Variants in NEGR1 observed in about 807,000 individuals in gnomAD.
NEGR1 encodes IgLON family member 4.
NEGR1 carries 10 observed loss-of-function variants against 40.9 expected under a neutral mutation model. That is an observed-to-expected ratio of 0.24 (90% CI 0.15 to 0.42). NEGR1 has a LOEUF of 0.42. NEGR1 is among the 10% of genes least tolerant of loss of function. The pLI is 1.00. For missense variants in NEGR1, 352 were observed against 438.9 expected (o/e 0.80, Z 1.77); for synonymous variants, 185 against 166.8 (o/e 1.11, Z -0.84).
chr1:71,805,083 G>A (rs1187484745), intron 2 of NEGR1, among the ~76,000 whole-genome samples: 6 of 152,072 alleles, frequency 3.9e-5, no homozygotes, highest in East Asian at 3.9e-4. Flanking sequence ...CTCCCTTAGC[G>A]CTCCCAGGCT....
chr1:71,919,027 C>T (rs553009828), intron 2 of NEGR1, among the ~76,000 whole-genome samples: 1 of 152,142 alleles, frequency 6.6e-6, no homozygotes, highest in African/African-American at 2.4e-5. Context: ...TAAATAGATG[C>T]ATTATTATTT....
Position 71,685,962 on chromosome 1 carries a change from GC to G in NEGR1, c.667+12045del, listed in dbSNP as rs754595586. 3.7e-3 allele frequency among the ~76,000 whole-genome samples: 19 copies of G among 5,108 alleles called. No individual in the cohort carries two copies. In the East Asian group the frequency reaches 0.4, roughly 108 times the overall value. The allele number at this position is 5,108 out of a possible 152,430, so 3.4% of individuals were successfully genotyped here. On this transcript the variant is annotated intron_variant, in intron 4 of 6. Transcript: ENST00000357731. ...GAAAAGTTTATGTCAGAGGTTAATG[GC>G]CAGATGCTATTTTAAATCCAGTTGT...
chr1:72,268,143 T>C (rs1655714766), intron 1 of NEGR1, among the ~76,000 whole-genome samples: 1 of 151,238 alleles, frequency 6.6e-6, no homozygotes, highest in African/African-American at 2.4e-5. Flanking sequence ...CCAAATACAA[T>C]ATAACATGTA....
chr1:71,576,565 G>A (rs1007783773), intron 6 of NEGR1, among the ~76,000 whole-genome samples: 1 of 152,082 alleles, frequency 6.6e-6, no homozygotes, highest in African/African-American at 2.4e-5. Flanking sequence ...CTAGATATTT[G>A]CATCACAAAG....
At position 72,086,043 on chromosome 1, in the gene NEGR1, GA is replaced by G. The variant is rs1444148159; in HGVS notation, c.177-150733del. Among the ~76,000 whole-genome samples the G allele has an allele frequency of 2.0e-5, 3 of 150,452 alleles. No individual in the cohort carries two copies. In the East Asian group the frequency reaches 5.9e-4, roughly 29 times the overall value. ...ATCAAGAGCCTACACCTGCAACACTGAAAGCTTACTAGAGCAAAATGTCCTC... is the reference window on the plus strand; with the variant it reads ...ATCAAGAGCCTACACCTGCAACACTGAAGCTTACTAGAGCAAAATGTCCTC... On this transcript the variant is annotated intron_variant, in intron 1 of 6. Transcript: ENST00000357731.
intron 1 of NEGR1, among the ~76,000 whole-genome samples, chr1:72,014,107 C>CT (rs1302867152): frequency 6.7e-6 from 1 of 149,968 alleles, no homozygotes; most frequent in Non-Finnish European, 1.5e-5. Context: ...AGCTGTTCAA[C>CT]TTTTTTTGTA....
intron 1 of NEGR1, among the ~76,000 whole-genome samples, chr1:72,202,860 C>G (rs1052934475): frequency 2.6e-5 from 4 of 151,938 alleles, no homozygotes; most frequent in Admixed American, 2.6e-4. Context: ...GAATTATGCT[C>G]AATCAACTCT....
intron 2 of NEGR1, among the ~76,000 whole-genome samples, chr1:71,899,812 G>C (rs1661096850): frequency 6.6e-6 from 1 of 152,004 alleles, no homozygotes; most frequent in African/African-American, 2.4e-5. Context: ...GTCTCATCCA[G>C]ATCTCATCAA....
intron 4 of NEGR1, 113 bp from the exon 5 acceptor site, chr1:71,611,259 G>C: frequency 2.2e-6 from 2 of 908,958 alleles, no homozygotes; most frequent in East Asian, 2.6e-5. Flanking sequence ...TCTTATGCCT[G>C]ATAGACCAAC....
intron 2 of NEGR1, among the ~76,000 whole-genome samples, chr1:71,822,060 A>G (rs979869760): frequency 6.6e-6 from 1 of 151,948 alleles, no homozygotes; most frequent in African/African-American, 2.4e-5. Flanking sequence ...AATGGACAGC[A>G]GCTACACTAT....
intron 1 of NEGR1, among the ~76,000 whole-genome samples, chr1:71,979,754 T>G (rs1646338408): frequency 6.6e-6 from 1 of 152,124 alleles, no homozygotes; most frequent in African/African-American, 2.4e-5. Context: ...CAGGTCAATC[T>G]GAGCCACTGA....
intron 3 of NEGR1, among the ~76,000 whole-genome samples, chr1:71,713,565 T>C (rs1557624256): frequency 6.6e-6 from 1 of 152,234 alleles, no homozygotes; most frequent in Non-Finnish European, 1.5e-5. Flanking sequence ...TTACACATAA[T>C]GTAGCAGAAC....
chr1:71,981,477 T>C (rs1321062932), intron 1 of NEGR1, among the ~76,000 whole-genome samples: 1 of 152,114 alleles, frequency 6.6e-6, no homozygotes, highest in Non-Finnish European at 1.5e-5. Context: ...GGACTGGGTA[T>C]TTGAAGATAT....
intron 6 of NEGR1, among the ~76,000 whole-genome samples, chr1:71,569,908 T>C (rs1330391793): frequency 6.6e-6 from 1 of 152,198 alleles, no homozygotes; most frequent in Non-Finnish European, 1.5e-5. Context: ...CCTTTGTGAC[T>C]GAAGCACTGG....
At chr1:71,963,285 T>A (rs1322441766) in intron 1 of NEGR1, among the ~76,000 whole-genome samples, 1 of 152,130 alleles carries the variant, frequency 6.6e-6, no homozygotes, top group Admixed American at 6.6e-5. Flanking sequence ...GATCCATTAA[T>A]CAGAGCCAGG....
chr1:71,993,804 T>C (rs1646476823), intron 1 of NEGR1, among the ~76,000 whole-genome samples: 1 of 151,896 alleles, frequency 6.6e-6, no homozygotes, highest in Non-Finnish European at 1.5e-5. Context: ...TATCAAGTGG[T>C]AGATCTGAAA....
At chr1:72,037,006 A>G (rs1325185303) in intron 1 of NEGR1, among the ~76,000 whole-genome samples, 2 of 152,136 alleles carry the variant, frequency 1.3e-5, no homozygotes, top group Non-Finnish European at 2.9e-5. Flanking sequence ...TATCTTAGAC[A>G]CTTGTCAGAT....
chr1:71,712,085 A>G (rs970749661), intron 3 of NEGR1, among the ~76,000 whole-genome samples: 20 of 152,180 alleles, frequency 1.3e-4, no homozygotes, highest in Admixed American at 1.3e-3. Flanking sequence ...ATTGTTCTGT[A>G]TCTTGCTTAT....
intron 2 of NEGR1, among the ~76,000 whole-genome samples, chr1:71,875,390 G>A (rs1036000448): frequency 6.6e-6 from 1 of 152,150 alleles, no homozygotes; most frequent in Non-Finnish European, 1.5e-5. Flanking sequence ...GGTACAGAAT[G>A]ATCCTACTTC....
Sources: gnomAD v4.1 joint callset for allele counts (sites outside exome capture counted in the v4.1 genomes callset) on GRCh38, gnomAD v4.1.1 for gene constraint, MANE v1.5 for transcripts, NCBI Gene and HGNC (gene_info 2026-07-23, HGNC 2026-07-21) for gene names.